MTCL2: variants seen among roughly 807,000 people sequenced by gnomAD.
MTCL2 encodes the protein microtubule crosslinking factor 2.
At chr20:36,808,545 C>T in the MTCL2 span, 962 of 1,606,272 alleles carry the variant, frequency 6.0e-4, 12 homozygotes, top group South Asian at 0.01. Context: ...CTGGGCAAAA[C>T]CTTGCCCTGC....
At chr20:36,844,982 C>A in the MTCL2 span, among the ~76,000 whole-genome samples, 2 of 148,672 alleles carry the variant, frequency 1.3e-5, no homozygotes, top group East Asian at 2.0e-4. Flanking sequence ...CTGCACTCCA[C>A]CCTGGGTGAC....
chr20:36,813,552 C>T, the MTCL2 span, among the ~76,000 whole-genome samples: 1 of 150,802 alleles, frequency 6.6e-6, no homozygotes, highest in Admixed American at 6.6e-5. Context: ...TGGCCAACAT[C>T]GTGAAACCCC....
chr20:36,819,855 C>T, the MTCL2 span, among the ~76,000 whole-genome samples: 1 of 152,128 alleles, frequency 6.6e-6, no homozygotes, highest in Admixed American at 6.5e-5. Flanking sequence ...GTGCCAAGAG[C>T]CAGGAGCCAG....
the MTCL2 span, chr20:36,794,546 G>A: frequency 6.2e-7 from 1 of 1,614,030 alleles, no homozygotes; most frequent in Non-Finnish European, 8.5e-7. This position sits in a 1 kb window ranked among gnomAD's most constrained non-coding sequence, Gnocchi z 5.4. Context: ...AGCAAGGTAA[G>A]GGGAACAGTC....
At chr20:36,823,823 A>C in the MTCL2 span, among the ~76,000 whole-genome samples, 24 of 152,282 alleles carry the variant, frequency 1.6e-4, no homozygotes, top group Admixed American at 1.5e-3. Context: ...AAAAATAATA[A>C]TAAAATAAAT....
chr20:36,862,748 GA>G, the MTCL2 span: 1 of 1,469,914 alleles, frequency 6.8e-7, no homozygotes, highest in South Asian at 1.3e-5. Flanking sequence ...TGAGGTCGGA[GA>G]AGGCAAGCGA....
the MTCL2 span, among the ~76,000 whole-genome samples, chr20:36,849,566 C>T: frequency 6.6e-6 from 1 of 152,132 alleles, no homozygotes; most frequent in Non-Finnish European, 1.5e-5. Context: ...TCCTGAGTAG[C>T]TGGGACTACT....
At chr20:36,845,541 G>T in the MTCL2 span, among the ~76,000 whole-genome samples, 2 of 152,264 alleles carry the variant, frequency 1.3e-5, no homozygotes, top group Non-Finnish European at 2.9e-5. Flanking sequence ...CCCCACGTGA[G>T]AGGGTGAGCT....
the MTCL2 span, among the ~76,000 whole-genome samples, chr20:36,820,796 C>G: frequency 6.7e-6 from 1 of 150,302 alleles, no homozygotes; most frequent in Non-Finnish European, 1.5e-5. Context: ...GAGCCGAGAT[C>G]ACACCACTGC....
chr20:36,837,941 A>C, the MTCL2 span, among the ~76,000 whole-genome samples: 1 of 152,238 alleles, frequency 6.6e-6, no homozygotes, highest in Non-Finnish European at 1.5e-5. Flanking sequence ...CCCATTTTAC[A>C]GATGAGGACA....
chr20:36,863,125 C>A, the MTCL2 span: 1 of 1,396,856 alleles, frequency 7.2e-7, no homozygotes, highest in East Asian at 3.3e-5. The surrounding 1 kb of genome is among the most constrained non-coding windows in gnomAD (Gnocchi z 6.2). Context: ...ACTGCGCGCC[C>A]CTTCTTGTCC....
At chr20:36,793,910 T>A in the MTCL2 span, 1 of 1,551,194 alleles carries the variant, frequency 6.4e-7, no homozygotes, top group Non-Finnish European at 8.7e-7. This position sits in a 1 kb window ranked among gnomAD's most constrained non-coding sequence, Gnocchi z 6.8. Context: ...TGGGTCGGTC[T>A]GCAGGCCCAC....
chr20:36,805,720 C>G, the MTCL2 span: 55 of 737,928 alleles, frequency 7.5e-5, no homozygotes, highest in South Asian at 1.0e-3. Flanking sequence ...CTGTTACTGC[C>G]CTGGGATGAC....
At chr20:36,811,050 G>A in the MTCL2 span, among the ~76,000 whole-genome samples, 1 of 152,018 alleles carries the variant, frequency 6.6e-6, no homozygotes, top group Non-Finnish European at 1.5e-5. Context: ...ACCTTCCTAG[G>A]CATGGCAAAT....
the MTCL2 span, chr20:36,794,439 G>T: frequency 1.2e-6 from 2 of 1,614,034 alleles, no homozygotes; most frequent in South Asian, 2.2e-5. The surrounding 1 kb of genome is among the most constrained non-coding windows in gnomAD (Gnocchi z 5.4). Context: ...GAGAGCCCAG[G>T]CTTCTCCTTG....
the MTCL2 span, among the ~76,000 whole-genome samples, chr20:36,813,091 T>C: frequency 6.6e-6 from 1 of 152,166 alleles, no homozygotes; most frequent in South Asian, 2.1e-4. Flanking sequence ...ATTTTCTGAA[T>C]GTGTGCCTTG....
At chr20:36,817,447 G>A in the MTCL2 span, 1 of 1,585,212 alleles carries the variant, frequency 6.3e-7, no homozygotes, top group Non-Finnish European at 8.6e-7. Flanking sequence ...CAGGGAGCGG[G>A]TTCCTCTTTT....
the MTCL2 span, chr20:36,863,080 CCACCCGCA>C: frequency 7.1e-7 from 1 of 1,403,066 alleles, no homozygotes; most frequent in South Asian, 1.4e-5. The surrounding 1 kb of genome is among the most constrained non-coding windows in gnomAD (Gnocchi z 6.2). Context: ...CGGACCCCGG[CCACCCGCA>C]CACCCGCACC....
chr20:36,802,440 T>C, the MTCL2 span, among the ~76,000 whole-genome samples: 1 of 152,176 alleles, frequency 6.6e-6, no homozygotes, highest in South Asian at 2.1e-4. Context: ...CTTCTTTTGA[T>C]TGGAGGCCTC....
Sources: gnomAD v4.1 joint callset for allele counts (sites outside exome capture counted in the v4.1 genomes callset) on GRCh38, gnomAD v4.1.1 for gene constraint, Gnocchi (gnomAD v3.1) non-coding constraint, MANE v1.5 for transcripts, NCBI Gene and HGNC (gene_info 2026-07-23, HGNC 2026-07-21) for gene names.